The following ASXL2 variants were observed in gnomAD, a reference collection of about 807,000 sequenced individuals.
The protein encoded by ASXL2 is putative Polycomb group protein ASXL2.
In ASXL2, 23 loss-of-function variants were observed where a neutral mutation model predicts 122.0. The ratio of observed to expected loss-of-function variants is 0.19; its 90% CI spans 0.14 to 0.27. The LOEUF is 0.27. Ranked by LOEUF, ASXL2 falls within the 10% of genes least tolerant of loss-of-function variation. The pLI, the probability that ASXL2 is intolerant of heterozygous loss-of-function variation, is 1.00. For synonymous variants in ASXL2, 650 were observed against 637.0 expected, an observed-to-expected ratio of 1.02 and a Z score of -0.31; for missense variants, 1,518 against 1,713.8, an observed-to-expected ratio of 0.89 and a Z score of 2.02.
At chr2:25,851,901 AAAAG>A (rs569721728) in intron 1 of ASXL2, among the ~76,000 whole-genome samples, 241 of 152,314 alleles carry the variant, frequency 1.6e-3, no homozygotes, top group African/African-American at 5.6e-3. Flanking sequence ...CCCCACCAAA[AAAAG>A]AAAGAAAATG....
In ASXL2 at chr2:25,799,379, AT is replaced by A; in HGVS notation, c.403+5del. The stretch of plus-strand genomic sequence containing the variant: ...AGTACTTTATTGAAGGATCAGGTGG[AT>A]TTACCTTTCCTTTTCCACCTGCTCT... On this transcript the variant is annotated splice_donor_5th_base_variant and intron_variant, in intron 5 of 12. Transcript: ENST00000435504. 1 of 1,613,920 alleles carries A rather than the reference AT, an allele frequency of 6.2e-7. No individual in the cohort carries two copies. Among genetic ancestry groups the A allele is most frequent in the Non-Finnish European group, 8.5e-7 (1 of 1,179,862 alleles).
intron 1 of ASXL2, among the ~76,000 whole-genome samples, chr2:25,860,925 T>A (rs779861238): frequency 6.6e-6 from 1 of 151,220 alleles, no homozygotes; most frequent in African/African-American, 2.4e-5. Flanking sequence ...GGTGGGAGGA[T>A]TGCTTGAGCC....
intron 1 of ASXL2, among the ~76,000 whole-genome samples, chr2:25,846,397 G>A: frequency 6.6e-6 from 1 of 152,236 alleles, no homozygotes; most frequent in East Asian, 1.9e-4. Context: ...TGTAATCTCG[G>A]CACTTTGGAA....
At chr2:25,859,414 G>A (rs1167825514) in intron 1 of ASXL2, among the ~76,000 whole-genome samples, 1 of 151,970 alleles carries the variant, frequency 6.6e-6, no homozygotes, top group South Asian at 2.1e-4. Flanking sequence ...CCCTTATGTG[G>A]CAAAACTAGT....
chr2:25,810,748 G>T, intron 3 of ASXL2: 1 of 583,658 alleles, frequency 1.7e-6, no homozygotes, highest in East Asian at 4.4e-5. Context: ...GTCTTGCCTT[G>T]AGCCAGTACT....
chr2:25,823,062 T>TAA, intron 3 of ASXL2: 1 of 444,404 alleles, frequency 2.3e-6, no homozygotes, highest in South Asian at 1.8e-5. Flanking sequence ...TGTATTTGCC[T>TAA]ACTTTGACCC....
At chr2:25,877,515 A>G (rs1422734699) in intron 1 of ASXL2, among the ~76,000 whole-genome samples, 1 of 152,050 alleles carries the variant, frequency 6.6e-6, no homozygotes, top group Non-Finnish European at 1.5e-5. Context: ...CCCACCATGC[A>G]TTGCTGCCTT....
chr2:25,799,240 T>G (rs1286204071), intron 5 of ASXL2, 145 bp downstream of exon 5: 1 of 1,065,588 alleles, frequency 9.4e-7, no homozygotes, highest in Non-Finnish European at 1.4e-6. Context: ...ATCTCCATCA[T>G]TGCAGAAAAC....
chr2:25,826,762 T>TAAAA (rs55765302), intron 3 of ASXL2, among the ~76,000 whole-genome samples: 3,517 of 68,038 alleles, frequency 0.052, 372 homozygotes, highest in Non-Finnish European at 0.071. Context: ...ACTTTCAAGG[T>TAAAA]AAAAAAAAAA....
In ASXL2 at chr2:25,808,184, T is replaced by C. The variant is rs140520239; in HGVS notation, c.144-1847A>G. On this transcript the variant is annotated intron_variant, in intron 3 of 12. Coordinates refer to ENST00000435504, the MANE Select transcript of ASXL2 (RefSeq NM_018263.6). ...TTGTGTGGTATTAGGAAGCAAGGCC[T>C]AAAACATTCACAGTCATTGTGTGAC... is the stretch of plus-strand genomic sequence containing the variant. 3.3e-3 allele frequency among the ~76,000 whole-genome samples: 500 copies of C among 152,210 alleles called. 4 individuals are homozygous for C. Among genetic ancestry groups the C allele is most frequent in the Middle Eastern group, 3.4e-3 (1 of 294 alleles).
Position 25,806,277 on chromosome 2 carries a change from C to G in ASXL2, c.204G>C (p.Glu68Asp). 6.2e-7 allele frequency: 1 copy of G among 1,613,512 alleles called. No homozygotes were observed. The highest frequency in any genetic ancestry group is 8.5e-7 in the Non-Finnish European group (1 of 1,179,668). The change falls in exon 4 of 13, where the codon GAG becomes GAC. Residue 68 changes from glutamate to aspartate, a missense_variant. Physicochemically the swap from Glu to Asp is conservative, Grantham distance 45. Transcript: ENST00000435504. ...TACCTGGAACCTTATAGAAGATGCC[C>G]TCTTCACCTCTGGAGTTTGTGTGAA... is the stretch of plus-strand genomic sequence containing the variant. ...AMLHTNSRGE[E>D]GIFYKVPGRM... is the part of the protein sequence containing the mutation.
chr2:25,792,300 C>A (rs922700690), intron 5 of ASXL2, among the ~76,000 whole-genome samples: 1 of 152,188 alleles, frequency 6.6e-6, no homozygotes, highest in Non-Finnish European at 1.5e-5. Flanking sequence ...CCACAGCCTG[C>A]CTAACAAGTA....
chr2:25,877,827 G>A (rs891769560), intron 1 of ASXL2, among the ~76,000 whole-genome samples: 12 of 152,214 alleles, frequency 7.9e-5, no homozygotes, highest in African/African-American at 2.4e-4. Context: ...CAAGGGAGAA[G>A]AACCGGTTAC....
chr2:25,806,716 A>C (rs1334053355), intron 3 of ASXL2, among the ~76,000 whole-genome samples: 1 of 152,190 alleles, frequency 6.6e-6, no homozygotes, highest in Non-Finnish European at 1.5e-5. Context: ...TAATAATTCC[A>C]TTGTATACTG....
At chr2:25,752,365 C>T (rs2088060911) in intron 11 of ASXL2, among the ~76,000 whole-genome samples, 1 of 152,200 alleles carries the variant, frequency 6.6e-6, no homozygotes, top group African/African-American at 2.4e-5. Flanking sequence ...ATTTAGGCTA[C>T]AGCCTCTTTT....
chr2:25,806,049 T>G (rs565616415), intron 4 of ASXL2, among the ~76,000 whole-genome samples, 180 bp downstream of exon 4: 20 of 152,236 alleles, frequency 1.3e-4, no homozygotes, highest in Non-Finnish European at 2.8e-4. Flanking sequence ...ACTTCTCTGA[T>G]CTACCTATAG....
At chr2:25,865,081 CA>C (rs1464976670) in intron 1 of ASXL2, among the ~76,000 whole-genome samples, 11 of 151,666 alleles carry the variant, frequency 7.3e-5, no homozygotes, top group Non-Finnish European at 1.2e-4. Flanking sequence ...CCTCAGCCTA[CA>C]AAAGTGCTGA....
At chr2:25,753,479 C>A in intron 11 of ASXL2, 55 bp downstream of exon 11, 1 of 1,337,266 alleles carries the variant, frequency 7.5e-7, no homozygotes, top group South Asian at 1.3e-5. Context: ...TAAAGCACTA[C>A]ATGACTTATA....
chr2:25,752,971 AT>A (rs200703952), intron 11 of ASXL2, among the ~76,000 whole-genome samples: 204 of 145,202 alleles, frequency 1.4e-3, no homozygotes, highest in East Asian at 7.1e-3. Context: ...TTAGAAATGT[AT>A]TTTTTTTTTT....
Sources: gnomAD v4.1 joint callset for allele counts (sites outside exome capture counted in the v4.1 genomes callset) on GRCh38, gnomAD v4.1.1 for gene constraint, MANE v1.5 for transcripts, NCBI Gene and HGNC (gene_info 2026-07-23, HGNC 2026-07-21) for gene names.